TTC21A: variants seen among roughly 807,000 people sequenced by gnomAD.
TTC21A encodes the protein tetratricopeptide repeat protein 21A.
TTC21A carries 128 observed loss-of-function variants against 156.4 expected under a neutral mutation model. The ratio of observed to expected loss-of-function variants is 0.82; its 90% confidence interval spans 0.71 to 0.95. The LOEUF (loss-of-function observed/expected upper bound fraction) is 0.95. TTC21A is among the 40% of genes least tolerant of loss of function. The pLI is 0.00. For synonymous variants in TTC21A, 587 were observed against 617.1 expected (o/e 0.95, Z 0.72); for missense variants, 1,435 against 1,602.3 (o/e 0.90, Z 1.78).
At position 39,130,426 on chromosome 3, in the gene TTC21A, A is replaced by G; in HGVS notation, c.2319+68A>G. On this transcript the variant is annotated intron_variant, in intron 17 of 28. Coordinates refer to ENST00000683103, the MANE Select transcript of TTC21A (RefSeq NM_001366900.1). This position sits in a 1 kb window ranked among gnomAD's most constrained non-coding sequence, Gnocchi z 4.5. ...CAGCAGGGAAGGAGGAGGACGGTAC[A>G]TGACTGGGGAGCTCTGGGTGGGAGG... 1 of 1,295,832 alleles carries G rather than the reference A, an allele frequency of 7.7e-7. No individual in the cohort carries two copies. The highest frequency in any genetic ancestry group is 2.4e-5 in the East Asian group (1 of 41,808). The allele number at this position is 1,295,832 out of a possible 1,614,324, so 80.3% of individuals were successfully genotyped here.
chr3:39,128,967 G>T (rs745503827), intron 14 of TTC21A, 35 bp downstream of exon 14: 22 of 1,611,866 alleles, frequency 1.4e-5, no homozygotes, highest in Non-Finnish European at 1.8e-5. Context: ...CTGGGGACTG[G>T]GGCACACTGG....
At chr3:39,114,841 C>T in intron 6 of TTC21A, 99 bp downstream of exon 6, 2 of 1,420,136 alleles carry the variant, frequency 1.4e-6, no homozygotes, top group Non-Finnish European at 9.7e-7. Flanking sequence ...GTAAATATCG[C>T]CCATAGAGGA....
At chr3:39,125,833 G>C (rs748643162) in intron 11 of TTC21A, among the ~76,000 whole-genome samples, 1 of 152,208 alleles carries the variant, frequency 6.6e-6, no homozygotes, top group Non-Finnish European at 1.5e-5. Context: ...ACAGGGCACC[G>C]GCCCATGGCC....
intron 9 of TTC21A, among the ~76,000 whole-genome samples, chr3:39,123,815 G>A (rs1223318999): frequency 6.6e-6 from 1 of 151,738 alleles, no homozygotes; most frequent in Non-Finnish European, 1.5e-5. Flanking sequence ...TTGCAACAAA[G>A]GGTTAATAAA....
At position 39,119,951 on chromosome 3, in the gene TTC21A, G is replaced by A. The variant is rs959568373; in HGVS notation, c.831G>A (p.Lys277=). 3.1e-6 allele frequency: 5 copies of A among 1,609,354 alleles called. No homozygotes were observed. The highest frequency in any genetic ancestry group is 3.3e-5 in the Admixed American group (2 of 59,970). The change falls in exon 8 of 29, where the codon AAG becomes AAA. Residue 277 remains lysine, a synonymous_variant. Coordinates refer to ENST00000683103, the MANE Select transcript of TTC21A (RefSeq NM_001366900.1). ...CCAATCACGTTAGAAATCTGATTAA[G>A]GCACTAGAGACAAGGGAACCCGAAA... ...TATNHVRNLI[K]ALETREPENP...
At position 39,131,107 on chromosome 3, in the gene TTC21A, G is replaced by A; in HGVS notation, c.2562+12G>A. On this transcript the variant is annotated intron_variant, in intron 19 of 28. Coordinates refer to ENST00000683103, the MANE Select transcript of TTC21A (RefSeq NM_001366900.1). Reference sequence around the variant, plus strand: ...AAACTTTGAACAAGGTAATTGACAGGTGGACTCAAGCTCTTTATCTGCCAT... The same window carrying A: ...AAACTTTGAACAAGGTAATTGACAGATGGACTCAAGCTCTTTATCTGCCAT... 6.3e-7 allele frequency: 1 copy of A among 1,596,660 alleles called. No individual in the cohort carries two copies. The highest frequency in any genetic ancestry group is 8.5e-7 in the Non-Finnish European group (1 of 1,174,468).
In TTC21A at chr3:39,136,777, G is replaced by A. The variant is rs913089193; in HGVS notation, c.3096-122G>A. 4 of 1,322,006 alleles carry A rather than the reference G, an allele frequency of 3.0e-6. No individual in the cohort carries two copies. The African/African-American group carries it at 5.9e-5, about 19-fold the overall frequency. The allele number at this position is 1,322,006 out of a possible 1,614,324, so 81.9% of individuals were successfully genotyped here. On this transcript the variant is annotated intron_variant, in intron 23 of 28. Transcript: ENST00000683103. ...TCCGACGCCCGCATCTCCTCCAGGG[G>A]AGCTGGGAAACCAGAGATCCAGCCT...
chr3:39,136,404 G>A lies in TTC21A; in HGVS notation c.2992G>A (p.Gly998Arg), dbSNP rs776815118. 4.6e-5 allele frequency: 75 copies of A among 1,613,992 alleles called. 1 individual carries two copies. The South Asian group carries it at 7.7e-4, about 17-fold the overall frequency. Residue 998 changes from glycine to arginine, a missense_variant, in exon 23 of 29, where the codon GGA becomes AGA. Gly to Arg is a moderately radical substitution (Grantham distance 125). Transcript: ENST00000683103. ...HKLIDLLRRS[G>R]KLEDIPAFFE... ...ATTAATCGATCTGCTAAGAAGAAGT[G>A]GAAAACTTGAAGACATTCCTGCCTT...
intron 19 of TTC21A, 86 bp downstream of exon 19, chr3:39,131,181 A>G (rs992781798): frequency 5.4e-6 from 6 of 1,112,274 alleles, no homozygotes. Flanking sequence ...CCAGGTCTGG[A>G]AAGCCCCAGA....
chr3:39,110,721 T>G, intron 3 of TTC21A, 130 bp from the exon 4 acceptor site: 1 of 919,944 alleles, frequency 1.1e-6, no homozygotes, highest in Non-Finnish European at 1.7e-6. Context: ...GTGTGCTGCA[T>G]ATGTTGAAGG....
chr3:39,127,301 G>C (rs866768096), intron 12 of TTC21A, among the ~76,000 whole-genome samples: 6 of 152,242 alleles, frequency 3.9e-5, no homozygotes, highest in Middle Eastern at 3.2e-3. Context: ...CCATTTGTCT[G>C]TCTTCTGGCA....
intron 19 of TTC21A, 90 bp from the exon 20 acceptor site, chr3:39,132,962 C>T (rs750184586): frequency 2.7e-5 from 40 of 1,466,844 alleles, no homozygotes; most frequent in Non-Finnish European, 3.6e-5. Flanking sequence ...ATTTTTCATA[C>T]TTCTGGCTTT....
chr3:39,119,160 C>G (rs1266219865), intron 7 of TTC21A: 1 of 152,198 alleles, frequency 6.6e-6, no homozygotes, highest in African/African-American at 2.4e-5. Context: ...TGGGACCTCC[C>G]CACCGACCCC....
In TTC21A at chr3:39,134,250, C is replaced by A; in HGVS notation, c.2784C>A (p.Leu928=). Residue 928 remains leucine (L), a synonymous_variant, in exon 21 of 29, where the codon CTC becomes CTA. Transcript: ENST00000683103. This position sits in a 1 kb window ranked among gnomAD's most constrained non-coding sequence, Gnocchi z 4.6. ...VMLELAQLYL[L]QGHLDLCEQH... The stretch of plus-strand genomic sequence containing the variant: ...TGGAGCTGGCGCAGCTCTACCTGCT[C>A]CAGGGGCACCTGGACCTGTGTGAGC... The A allele has an allele frequency of 6.2e-7, 1 of 1,613,920 alleles. No individual in the cohort carries two copies. The highest frequency in any genetic ancestry group is 8.5e-7 in the Non-Finnish European group (1 of 1,179,878).
At position 39,110,159 on chromosome 3, in the gene TTC21A, A is replaced by C. The variant is rs1366360479; in HGVS notation, c.268+20A>C. On this transcript the variant is annotated intron_variant, in intron 3 of 28. Transcript: ENST00000683103. The stretch of plus-strand genomic sequence containing the variant: ...TCATTGGTGAGTGCCACCATGCTCA[A>C]CCAGGCCTGACCCACCAGGGGAAGG... The C allele has an allele frequency of 6.4e-7, 1 of 1,570,834 alleles. No individual in the cohort carries two copies. The highest frequency in any genetic ancestry group is 8.8e-7 in the Non-Finnish European group (1 of 1,141,694).
chr3:39,118,846 G>C (rs2037505553), intron 7 of TTC21A: 1 of 152,266 alleles, frequency 6.6e-6, no homozygotes, highest in African/African-American at 2.4e-5. Flanking sequence ...GGCAAACCAG[G>C]AGTCTCTAAG....
In TTC21A at chr3:39,137,621, A is replaced by G. The variant is rs749188044; in HGVS notation, c.3586A>G (p.Ser1196Gly). 12 of 1,614,108 alleles carry G rather than the reference A, an allele frequency of 7.4e-6. No homozygotes were observed. The highest frequency in any genetic ancestry group is 1.7e-5 in the Admixed American group (1 of 60,010). The change falls in exon 26 of 29, where the codon AGC (serine) becomes GGC (glycine). Residue 1196 changes from serine to glycine, a missense_variant. Coordinates refer to ENST00000683103, the MANE Select transcript of TTC21A (RefSeq NM_001366900.1). ...VLSEAEDLEKSWLLLADIYCQ... is the reference protein window; with the variant it reads ...VLSEAEDLEKGWLLLADIYCQ... The stretch of plus-strand genomic sequence containing the variant: ...GAGTGAGGCTGAGGACCTGGAGAAG[A>G]GCTGGCTCCTGCTGGCTGACATTTA...
At chr3:39,109,896 A>G in intron 2 of TTC21A, 133 bp from the exon 3 acceptor site, 2 of 634,258 alleles carry the variant, frequency 3.2e-6, no homozygotes, top group Admixed American at 5.2e-5. Flanking sequence ...TCTTCAGGGA[A>G]CTTGGGTCAC....
At position 39,121,142 on chromosome 3, in the gene TTC21A, A is replaced by T. The variant is rs1375032548; in HGVS notation, c.1046A>T (p.Tyr349Phe). The T allele has an allele frequency of 5.0e-6, 8 of 1,614,138 alleles. No individual in the cohort carries two copies. The South Asian group carries it at 7.7e-5, about 16-fold the overall frequency. ...KNQVKEALLW[Y>F]SEAMKLDKDG... ...CAAGTGAAAGAGGCCTTGCTGTGGT[A>T]TTCAGAAGCCATGAAACTGGACAAG... is the stretch of plus-strand genomic sequence containing the variant. Residue 349 changes from tyrosine to phenylalanine, a missense_variant, in exon 9 of 29, where the codon TAT becomes TTT. Coordinates refer to ENST00000683103, the MANE Select transcript of TTC21A (RefSeq NM_001366900.1).
Sources: allele counts gnomAD v4.1 joint callset (sites outside exome capture counted in the v4.1 genomes callset), GRCh38; gene constraint gnomAD v4.1.1; non-coding constraint Gnocchi (gnomAD v3.1); transcripts MANE v1.5; gene names NCBI Gene and HGNC (gene_info 2026-07-23, HGNC 2026-07-21).